The following ATG7 variants were observed in gnomAD, a reference collection of about 807,000 sequenced individuals.
ATG7 encodes the protein ubiquitin-like modifier-activating enzyme ATG7.
A neutral mutation model predicts 82.4 loss-of-function variants in ATG7; 70 were observed. The observed-to-expected ratio is 0.85, with a 90% CI of 0.70 to 1.04. The LOEUF is 1.04. ATG7 is among the 50% of genes least tolerant of loss of function. The pLI is 0.00. For synonymous variants in ATG7, 287 were observed against 313.0 expected (o/e 0.92, Z 0.88); for missense variants, 792 against 864.3 (o/e 0.92, Z 1.05).
chr3:11,382,011 A>G (rs1575892408), intron 19 of ATG7, among the ~76,000 whole-genome samples: 1 of 152,240 alleles, frequency 6.6e-6, no homozygotes, highest in Admixed American at 6.5e-5. Flanking sequence ...CATGTTATAC[A>G]GAGTCATGTC....
intron 20 of ATG7, among the ~76,000 whole-genome samples, chr3:11,551,766 C>T (rs1021976160): frequency 2.0e-5 from 3 of 148,788 alleles, no homozygotes; most frequent in Admixed American, 6.8e-5. Context: ...TTTTTTTTCT[C>T]GAGGCAGGGT....
downstream of ATG7, among the ~76,000 whole-genome samples, chr3:11,560,093 T>G (rs17034656): frequency 0.014 from 2,143 of 151,064 alleles, 56 homozygotes; most frequent in African/African-American, 0.05. Flanking sequence ...CAAACTCCCC[T>G]TGTTCCTTCA....
At chr3:11,418,422 T>G (rs1165284428) in intron 19 of ATG7, among the ~76,000 whole-genome samples, 1 of 152,096 alleles carries the variant, frequency 6.6e-6, no homozygotes, top group Non-Finnish European at 1.5e-5. Context: ...CCAACATATT[T>G]CAATATGGCT....
downstream of ATG7, among the ~76,000 whole-genome samples, chr3:11,562,408 C>T (rs1240481726): frequency 6.6e-6 from 1 of 152,214 alleles, no homozygotes; most frequent in East Asian, 1.9e-4. Flanking sequence ...AGGAAGGCTT[C>T]CACCGTGCCC....
intron 9 of ATG7, 103 bp downstream of exon 9, chr3:11,315,596 T>G: frequency 1.9e-6 from 2 of 1,071,516 alleles, no homozygotes; most frequent in Non-Finnish European, 1.3e-6. Flanking sequence ...TTAGATTTCC[T>G]TAGCCTTCAA....
chr3:11,439,850 T>C (rs1158654392), intron 20 of ATG7, among the ~76,000 whole-genome samples: 3 of 152,246 alleles, frequency 2.0e-5, no homozygotes, highest in Non-Finnish European at 4.4e-5. Flanking sequence ...AATTGCGTTA[T>C]CTGTGATTTT....
intron 18 of ATG7, among the ~76,000 whole-genome samples, chr3:11,366,523 C>T (rs2076623177): frequency 6.6e-6 from 1 of 152,190 alleles, no homozygotes; most frequent in African/African-American, 2.4e-5. Context: ...GCTATTTATG[C>T]TGTCGTATCT....
intron 18 of ATG7, among the ~76,000 whole-genome samples, chr3:11,378,419 A>T (rs2077597644): frequency 6.6e-6 from 1 of 150,794 alleles, no homozygotes; most frequent in African/African-American, 2.4e-5. Flanking sequence ...GCGGTGGCTC[A>T]CGCCCGTAAC....
chr3:11,493,533 G>T (rs1374096379), intron 20 of ATG7, among the ~76,000 whole-genome samples: 1 of 152,126 alleles, frequency 6.6e-6, no homozygotes, highest in Admixed American at 6.5e-5. Flanking sequence ...TTGAAGGTGG[G>T]GTTTCCACTG....
intron 20 of ATG7, among the ~76,000 whole-genome samples, chr3:11,508,532 G>A (rs1015101530): frequency 6.6e-6 from 1 of 152,056 alleles, no homozygotes; most frequent in African/African-American, 2.4e-5. Context: ...ATAGCTCACT[G>A]CCTACCACAA....
downstream of ATG7, among the ~76,000 whole-genome samples, chr3:11,559,174 G>T (rs1490758110): frequency 6.6e-6 from 1 of 152,220 alleles, no homozygotes; most frequent in East Asian, 1.9e-4. Flanking sequence ...CAAGTCATGC[G>T]CAACGCTAGG....
intron 20 of ATG7, among the ~76,000 whole-genome samples, chr3:11,543,725 C>T (rs1017697290): frequency 3.9e-5 from 6 of 152,206 alleles, no homozygotes; most frequent in East Asian, 1.9e-4. Context: ...CATGGTGAAA[C>T]CCCATCTCTA....
intron 20 of ATG7, among the ~76,000 whole-genome samples, chr3:11,482,219 G>A (rs1384508052): frequency 6.6e-6 from 1 of 152,192 alleles, no homozygotes; most frequent in Non-Finnish European, 1.5e-5. Flanking sequence ...GGCTCTCCCT[G>A]AGCCCTTGGC....
chr3:11,342,334 T>C lies in ATG7; in HGVS notation c.1125+55T>C, dbSNP rs867671956. 1.4e-5 allele frequency: 22 copies of C among 1,562,128 alleles called. No homozygotes were observed. In the Middle Eastern group the frequency reaches 1.9e-3, roughly 133 times the overall value. ...ACCTTTGAAGTTGTAGCTTCTCTTC[T>C]TGTTTTACTCTCATGATTGCCTTCC... On this transcript the variant is annotated intron_variant, in intron 13 of 20. Coordinates refer to ENST00000693202, the MANE Select transcript of ATG7 (RefSeq NM_001349232.2).
intron 13 of ATG7, among the ~76,000 whole-genome samples, chr3:11,346,048 T>C (rs1954492575): frequency 1.3e-5 from 2 of 152,220 alleles, no homozygotes; most frequent in African/African-American, 2.4e-5. Flanking sequence ...AAATGATGCC[T>C]GTCTATGAGG....
chr3:11,492,001 T>G (rs1220927804), intron 20 of ATG7, among the ~76,000 whole-genome samples: 3 of 152,210 alleles, frequency 2.0e-5, no homozygotes, highest in Non-Finnish European at 4.4e-5. Context: ...AAGTTTGAGC[T>G]TCCCGGCTGC....
chr3:11,367,191 A>G (rs954233260), intron 18 of ATG7, among the ~76,000 whole-genome samples: 14 of 152,116 alleles, frequency 9.2e-5, no homozygotes, highest in African/African-American at 3.4e-4. Context: ...TGTTTTGATT[A>G]GGGGACCATC....
At chr3:11,486,392 A>T (rs564221155) in intron 20 of ATG7, among the ~76,000 whole-genome samples, 6 of 152,188 alleles carry the variant, frequency 3.9e-5, no homozygotes, top group African/African-American at 1.2e-4. Context: ...GATTTTGTAT[A>T]CTGAGACTTT....
At chr3:11,562,634 T>C (rs946362762), downstream of ATG7, among the ~76,000 whole-genome samples, 2 of 152,200 alleles carry the variant, frequency 1.3e-5, no homozygotes, top group African/African-American at 4.8e-5. Context: ...CGGATTGGTG[T>C]GCATGGCCTC....
Sources: gnomAD v4.1 joint callset for allele counts (sites outside exome capture counted in the v4.1 genomes callset) on GRCh38, gnomAD v4.1.1 for gene constraint, MANE v1.5 for transcripts, NCBI Gene and HGNC (gene_info 2026-07-23, HGNC 2026-07-21) for gene names.